The following CDYL variants were observed in gnomAD, a reference collection of about 807,000 sequenced individuals.
The protein encoded by CDYL is chromodomain Y like.
Under a neutral mutation model 47.3 loss-of-function variants are expected in CDYL, and 8 were observed. That is an observed-to-expected ratio of 0.17 (90% CI 0.10 to 0.31). The LOEUF is 0.31. CDYL is among the 10% of genes least tolerant of loss of function. CDYL has a pLI of 1.00. For synonymous variants in CDYL, 266 were observed against 265.0 expected (o/e 1.00, Z -0.04); for missense variants, 471 against 701.4 (o/e 0.67, Z 3.71).
At chr6:4,916,807 C>T (rs1757568431) in intron 2 of CDYL, among the ~76,000 whole-genome samples, 1 of 152,182 alleles carries the variant, frequency 6.6e-6, no homozygotes, top group African/African-American at 2.4e-5. Context: ...CTTCCTAATT[C>T]CAAGGAGGTG....
In CDYL at chr6:4,874,860, G is replaced by GTTTGGATTC. The variant is rs1441094570; in HGVS notation, c.25-16852_25-16844dup. Among the ~76,000 whole-genome samples, 8 of 152,254 alleles carry GTTTGGATTC rather than the reference G, an allele frequency of 5.3e-5. No homozygotes were observed. The East Asian group carries it at 1.5e-3, about 29-fold the overall frequency. On this transcript the variant is annotated intron_variant, in intron 1 of 6. Coordinates refer to ENST00000397588, the MANE Select transcript of CDYL (RefSeq NM_004824.4). ...GTTTTCATTTGCTGAGCATGGTGAC[G>GTTTGGATTC]TTTGGATTCGTCTGTGTTGTCGTGG...
chr6:4,847,449 A>G (rs567921298), intron 1 of CDYL, among the ~76,000 whole-genome samples: 1 of 152,234 alleles, frequency 6.6e-6, no homozygotes, highest in East Asian at 1.9e-4. Context: ...ATTTTTCTCT[A>G]GCTGAGCATC....
intron 1 of CDYL, among the ~76,000 whole-genome samples, chr6:4,872,190 A>G (rs540233936): frequency 5.3e-5 from 8 of 152,258 alleles, no homozygotes; most frequent in African/African-American, 1.9e-4. Flanking sequence ...TTTCAACACT[A>G]AGGTACCCTC....
intron 1 of CDYL, among the ~76,000 whole-genome samples, chr6:4,777,023 T>TGG (rs1250362537): frequency 0.017 from 1,149 of 67,458 alleles, 8 homozygotes; most frequent in African/African-American, 0.027. Flanking sequence ...GGGCGTGGGG[T>TGG]GGGGGGGGGG....
At chr6:4,939,850 T>G (rs531257952) in intron 4 of CDYL, among the ~76,000 whole-genome samples, 2 of 152,250 alleles carry the variant, frequency 1.3e-5, no homozygotes, top group African/African-American at 4.8e-5. Flanking sequence ...TCACGCTGAA[T>G]GTACACATAA....
chr6:4,788,480 CAAAAAAA>C lies in CDYL; in HGVS notation c.24+11689_24+11695del, dbSNP rs1220969716. Among the ~76,000 whole-genome samples the C allele has an allele frequency of 7.9e-4, 48 of 61,060 alleles. 2 individuals are homozygous for C. The highest frequency in any genetic ancestry group is 3.4e-3 in the African/African-American group (46 of 13,522). The allele number at this position is 61,060 out of a possible 152,430, so 40.1% of individuals were successfully genotyped here. A position where few individuals can be genotyped will look rare whatever the true frequency, so the allele number is the denominator to read the frequency against. On this transcript the variant is annotated intron_variant, in intron 1 of 6. Coordinates refer to ENST00000397588, the MANE Select transcript of CDYL (RefSeq NM_004824.4). ...CCTGGGTGACAGAGTGAGACTCTGT[CAAAAAAA>C]AAAAAAAAAAAAAAAGGCTTTTCAG...
intron 1 of CDYL, among the ~76,000 whole-genome samples, chr6:4,835,684 C>T (rs974596786): frequency 2.0e-5 from 3 of 152,252 alleles, no homozygotes; most frequent in Non-Finnish European, 4.4e-5. Context: ...GAGGTGGAGC[C>T]TACAGAGGCA....
At chr6:4,900,779 G>GTGTGTGTATGTATATA in intron 2 of CDYL, among the ~76,000 whole-genome samples, 1 of 51,706 alleles carries the variant, frequency 1.9e-5, no homozygotes, top group African/African-American at 6.3e-5. Context: ...GTATACGTGT[G>GTGTGTGTATGTATATA]TATATATATA....
At chr6:4,911,537 G>C (rs955513528) in intron 2 of CDYL, among the ~76,000 whole-genome samples, 1 of 152,184 alleles carries the variant, frequency 6.6e-6, no homozygotes, top group Admixed American at 6.5e-5. Flanking sequence ...TCATGGTACT[G>C]TTTGCTAAAG....
rs1056260092 is a variant in CDYL at position 4,831,398 on chromosome 6, G to T, written c.24+54591G>T. 2.6e-5 allele frequency among the ~76,000 whole-genome samples: 4 copies of T among 152,222 alleles called. No homozygotes were observed. The East Asian group carries it at 5.8e-4, about 22-fold the overall frequency. On this transcript the variant is annotated intron_variant, in intron 1 of 6. Coordinates refer to ENST00000397588, the MANE Select transcript of CDYL (RefSeq NM_004824.4). The stretch of plus-strand genomic sequence containing the variant: ...AAGATCAGATAGTTGTAGATATGCG[G>T]CATTATTTCTGAGAGCTCTGTTCTG...
At chr6:4,882,580 T>C (rs776985646) in intron 1 of CDYL, among the ~76,000 whole-genome samples, 1 of 152,170 alleles carries the variant, frequency 6.6e-6, no homozygotes, top group Admixed American at 6.5e-5. Context: ...CTGGTTCTTT[T>C]GGGAGAAGAA....
intron 1 of CDYL, among the ~76,000 whole-genome samples, chr6:4,880,380 G>A (rs1458131417): frequency 6.6e-6 from 1 of 152,126 alleles, no homozygotes; most frequent in African/African-American, 2.4e-5. Flanking sequence ...TTTTGGTGCA[G>A]AATAGTATTT....
Position 4,758,351 on chromosome 6 carries a change from A to ATATATAT in CDYL, c.186+23507_186+23508insTATATAT, listed in dbSNP as rs1758108099. On this transcript the variant is annotated intron_variant, in intron 3 of 8. Coordinates refer to the CDYL transcript ENST00000328908. ...AAGACTCATGTCTTGAAAATAAATA[A>ATATATAT]ATATATATATATATATATATCTCTT... Among the ~76,000 whole-genome samples, 603 of 129,038 alleles carry ATATATAT rather than the reference A, an allele frequency of 4.7e-3. 13 individuals are homozygous for ATATATAT. The highest frequency in any genetic ancestry group is 0.036 in the South Asian group (129 of 3,596). 84.7% of individuals were successfully genotyped at this position (129,038 alleles called of 152,430 possible).
intron 1 of CDYL, among the ~76,000 whole-genome samples, chr6:4,847,025 G>A (rs9504270): frequency 0.021 from 3,203 of 152,216 alleles, 71 homozygotes; most frequent in East Asian, 0.085. Context: ...TGCACACTAC[G>A]TTTACACAGC....
At chr6:4,919,599 G>T (rs764995824) in intron 2 of CDYL, among the ~76,000 whole-genome samples, 2 of 152,092 alleles carry the variant, frequency 1.3e-5, no homozygotes, top group Non-Finnish European at 1.5e-5. Context: ...AAAATTCTTC[G>T]AGTTTTCAGG....
intron 1 of CDYL, among the ~76,000 whole-genome samples, chr6:4,827,435 C>G (rs1489320545): frequency 6.6e-6 from 1 of 151,988 alleles, no homozygotes; most frequent in Non-Finnish European, 1.5e-5. Context: ...CTTCTCATTT[C>G]CTTTTGAATA....
chr6:4,791,138 CA>C, intron 1 of CDYL, among the ~76,000 whole-genome samples: 1 of 152,326 alleles, frequency 6.6e-6, no homozygotes, highest in Admixed American at 6.5e-5. Flanking sequence ...GACTCATATA[CA>C]GTGGCCAGCA....
At chr6:4,862,057 A>G (rs1761184582) in intron 1 of CDYL, among the ~76,000 whole-genome samples, 1 of 152,126 alleles carries the variant, frequency 6.6e-6, no homozygotes, top group Non-Finnish European at 1.5e-5. Flanking sequence ...ACCAGAAACA[A>G]AAAGAACTGT....
chr6:4,746,569 T>C (rs1003364485), intron 3 of CDYL, among the ~76,000 whole-genome samples: 10 of 152,150 alleles, frequency 6.6e-5, no homozygotes, highest in Admixed American at 5.2e-4. Flanking sequence ...TGATGCGTGC[T>C]TAAGCCTGGT....
Sources: gnomAD v4.1 joint callset for allele counts (sites outside exome capture counted in the v4.1 genomes callset) on GRCh38, gnomAD v4.1.1 for gene constraint, MANE v1.5 for transcripts, NCBI Gene and HGNC (gene_info 2026-07-23, HGNC 2026-07-21) for gene names.